BAZ2B: variants seen among roughly 807,000 people sequenced by gnomAD.
BAZ2B encodes the protein bromodomain adjacent to zinc finger domain 2B.
A neutral mutation model predicts 246.0 loss-of-function variants in BAZ2B; 91 were observed. The observed-to-expected ratio is 0.37, with a 90% CI of 0.31 to 0.44. The LOEUF (loss-of-function observed/expected upper bound fraction) is 0.44, where lower values mean the gene tolerates loss of function less well. Ranked by LOEUF, BAZ2B falls within the 20% of genes least tolerant of loss-of-function variation. BAZ2B has a pLI of 1.00. For synonymous variants in BAZ2B, 855 were observed against 860.0 expected (o/e 0.99, Z 0.10); for missense variants, 2,332 against 2,533.7 (o/e 0.92, Z 1.71).
chr2:159,590,746 G>T (rs1376944559), intron 1 of BAZ2B, among the ~76,000 whole-genome samples: 1 of 152,104 alleles, frequency 6.6e-6, no homozygotes, highest in Non-Finnish European at 1.5e-5. Flanking sequence ...AAAGATGGGG[G>T]TGGGCACGGT....
chr2:159,707,633 C>T, the BAZ2B span, among the ~76,000 whole-genome samples: 2 of 152,014 alleles, frequency 1.3e-5, no homozygotes, highest in African/African-American at 2.4e-5. Context: ...CAAGACCGGC[C>T]TGAATAACAT....
chr2:159,668,283 ATCTTT>A, the BAZ2B span, among the ~76,000 whole-genome samples: 11,645 of 152,084 alleles, frequency 0.077, 939 homozygotes, highest in African/African-American at 0.2. Flanking sequence ...GTCCTTTAGG[ATCTTT>A]ATACACATTA....
intron 4 of BAZ2B, among the ~76,000 whole-genome samples, 172 bp from the exon 5 acceptor site, chr2:159,448,581 C>T (rs1347047276): frequency 6.6e-6 from 1 of 152,182 alleles, no homozygotes; most frequent in Non-Finnish European, 1.5e-5. Context: ...AACTTGTACA[C>T]TTATCACTCT....
In BAZ2B at chr2:159,395,821, C is replaced by T. The variant is rs180681997; in HGVS notation, c.3023G>A (p.Arg1008Lys). ...TTTCATAAGCATCATGTGTTGTCGC[C>T]TTCGCTCTCGTTCCTATTAGGCCAG... is the stretch of plus-strand genomic sequence containing the variant. ...VLLKHQERER[R>K]RQHMMLMKAM... Residue 1008 changes from arginine to lysine, a missense_variant, in exon 20 of 37, where the codon AGG becomes AAG. Arg to Lys is a conservative substitution (Grantham distance 26, BLOSUM62 2). Transcript: ENST00000392783. 7.4e-4 allele frequency: 1,198 copies of T among 1,611,372 alleles called. 21 individuals carry two copies. Among genetic ancestry groups the T allele is most frequent in the South Asian group, 6.3e-3 (572 of 90,742 alleles).
rs1362869652 is a variant in BAZ2B at position 159,341,567 on chromosome 2, T to C, written c.5455-3795A>G. ...AACATTTCATCCACCAGCTGCAGAA[T>C]ACACATTATTTTCATCAGCACATGG... On this transcript the variant is annotated intron_variant, in intron 31 of 36. Transcript: ENST00000392783. Among the ~76,000 whole-genome samples, 3 of 152,178 alleles carry C rather than the reference T, an allele frequency of 2.0e-5. No individual in the cohort carries two copies. In the East Asian group the frequency reaches 5.8e-4, roughly 29 times the overall value.
intron 9 of BAZ2B, among the ~76,000 whole-genome samples, 161 bp downstream of exon 9, chr2:159,432,596 A>G (rs2071346675): frequency 6.6e-6 from 1 of 152,246 alleles, no homozygotes; most frequent in Non-Finnish European, 1.5e-5. Context: ...GATTTCCAGT[A>G]TCAATTACTC....
chr2:159,689,144 A>G, the BAZ2B span: 1 of 376,756 alleles, frequency 2.7e-6, no homozygotes, highest in Non-Finnish European at 4.9e-6. Flanking sequence ...CAACTTGTCT[A>G]GCTCCATAAA....
the BAZ2B span, among the ~76,000 whole-genome samples, chr2:159,654,966 G>A: frequency 6.6e-6 from 1 of 152,128 alleles, no homozygotes; most frequent in Non-Finnish European, 1.5e-5. Flanking sequence ...TTCCTCTGAG[G>A]AAAATATAAA....
chr2:159,544,492 TA>T (rs1297581425), intron 2 of BAZ2B, among the ~76,000 whole-genome samples: 1 of 152,164 alleles, frequency 6.6e-6, no homozygotes, highest in Non-Finnish European at 1.5e-5. Flanking sequence ...AGGGAATATA[TA>T]AAGAGGAGAA....
intron 27 of BAZ2B, among the ~76,000 whole-genome samples, chr2:159,360,668 G>C (rs550090454): frequency 1.3e-5 from 2 of 152,308 alleles, no homozygotes; most frequent in African/African-American, 4.8e-5. Flanking sequence ...AAAGAACAAA[G>C]CTGGAGGCAT....
intron 25 of BAZ2B, among the ~76,000 whole-genome samples, chr2:159,378,868 T>C (rs943679029): frequency 6.6e-6 from 1 of 152,038 alleles, no homozygotes; most frequent in Non-Finnish European, 1.5e-5. Flanking sequence ...GAGTGTGGGA[T>C]TGTAAAATAG....
chr2:159,619,742 A>C (rs1696356940), upstream of BAZ2B, among the ~76,000 whole-genome samples: 1 of 152,152 alleles, frequency 6.6e-6, no homozygotes, highest in South Asian at 2.1e-4. Flanking sequence ...AATTGTGCTT[A>C]AATTATTTTT....
chr2:159,581,626 T>C (rs1447096110), intron 1 of BAZ2B, among the ~76,000 whole-genome samples: 1 of 152,164 alleles, frequency 6.6e-6, no homozygotes, highest in South Asian at 2.1e-4. Flanking sequence ...TGCACATGTA[T>C]GTTTATTGCA....
intron 25 of BAZ2B, among the ~76,000 whole-genome samples, chr2:159,382,207 A>G (rs1011770): frequency 0.027 from 4,180 of 152,300 alleles, 192 homozygotes; most frequent in East Asian, 0.23. Context: ...ACACTTTTAA[A>G]GGCATGAAGC....
intron 2 of BAZ2B, among the ~76,000 whole-genome samples, chr2:159,493,407 C>T (rs2080721258): frequency 6.6e-6 from 1 of 152,146 alleles, no homozygotes; most frequent in South Asian, 2.1e-4. Flanking sequence ...AGTGAGGAAG[C>T]CTGTTTCATA....
the BAZ2B span, among the ~76,000 whole-genome samples, chr2:159,622,359 A>G: frequency 6.6e-6 from 1 of 152,134 alleles, no homozygotes; most frequent in Non-Finnish European, 1.5e-5. Context: ...CTCCAAAAAT[A>G]AAACTGAAAA....
At chr2:159,712,265 T>A in the BAZ2B span, 1 of 151,798 alleles carries the variant, frequency 6.6e-6, no homozygotes, top group Non-Finnish European at 1.5e-5. Flanking sequence ...GCCCGCACAC[T>A]CGCCAGCCCA....
chr2:159,362,204 G>A (rs1036049313), intron 27 of BAZ2B, among the ~76,000 whole-genome samples: 4 of 152,074 alleles, frequency 2.6e-5, no homozygotes, highest in Admixed American at 6.5e-5. Flanking sequence ...AGGCCATAGG[G>A]GCTTTCTTCT....
chr2:159,662,471 G>T, the BAZ2B span, among the ~76,000 whole-genome samples: 5 of 152,236 alleles, frequency 3.3e-5, no homozygotes, highest in South Asian at 1.0e-3. Flanking sequence ...CATATGAGAG[G>T]TTCCAATATT....
Sources: allele counts gnomAD v4.1 joint callset (sites outside exome capture counted in the v4.1 genomes callset), GRCh38; gene constraint gnomAD v4.1.1; transcripts MANE v1.5; gene names NCBI Gene and HGNC (gene_info 2026-07-23, HGNC 2026-07-21).